ZNF507: variants seen among roughly 807,000 people sequenced by gnomAD.
ZNF507 encodes zinc finger protein 507.
In ZNF507, 29 loss-of-function variants were observed where a neutral mutation model predicts 80.0. That is an observed-to-expected ratio of 0.36 (90% CI 0.27 to 0.49). ZNF507 has a LOEUF of 0.49. Among genes scored for constraint, ZNF507 ranks in the 20% least tolerant of loss-of-function variants. ZNF507 has a pLI of 0.98. For missense variants in ZNF507, 1,081 were observed against 1,152.2 expected (o/e 0.94, Z 0.90); for synonymous variants, 462 against 422.5 (o/e 1.09, Z -1.15).
intron 5 of ZNF507, among the ~76,000 whole-genome samples, chr19:32,375,897 C>T (rs1277099576): frequency 2.6e-5 from 4 of 152,100 alleles, no homozygotes; most frequent in African/African-American, 4.8e-5. Flanking sequence ...GTCTGTATTC[C>T]TAGAATAAGC....
At chr19:32,379,179 G>A (rs1177213073) in intron 5 of ZNF507, among the ~76,000 whole-genome samples, 2 of 152,162 alleles carry the variant, frequency 1.3e-5, no homozygotes, top group Admixed American at 1.3e-4. Context: ...TAATGGCTTG[G>A]GGGTGGAGAA....
At chr19:32,374,638 C>T (rs765534863) in intron 5 of ZNF507, among the ~76,000 whole-genome samples, 74 of 152,108 alleles carry the variant, frequency 4.9e-4, no homozygotes, top group South Asian at 1.2e-3. Context: ...CCCGCCACCA[C>T]ACATGGCTAA....
chr19:32,353,343 A>G lies in ZNF507; in HGVS notation c.513A>G (p.Glu171=), dbSNP rs376965014. Residue 171 remains glutamate, a synonymous_variant, in exon 3 of 7, where the codon GAA becomes GAG. Transcript: ENST00000355898. ...CATCTAGAAGCCAGGAGGAACTTGA[A>G]GCCCACGTGGTGAATGACCATGACA... ...HITSRSQEEL[E]AHVVNDHDND... is the part of the protein sequence containing the mutation. 4 of 1,614,144 alleles carry G rather than the reference A, an allele frequency of 2.5e-6. No homozygotes were observed. The highest frequency in any genetic ancestry group is 2.2e-5 in the South Asian group (2 of 91,094).
intron 4 of ZNF507, 178 bp downstream of exon 4, chr19:32,356,911 A>G: frequency 1.7e-6 from 1 of 597,694 alleles, no homozygotes; most frequent in Non-Finnish European, 3.0e-6. Flanking sequence ...TGAATGAAGC[A>G]GATGATTACT....
intron 5 of ZNF507, among the ~76,000 whole-genome samples, chr19:32,364,687 A>G (rs954457846): frequency 1.3e-5 from 2 of 152,224 alleles, no homozygotes; most frequent in African/African-American, 4.8e-5. Context: ...ATGGCTGAGT[A>G]GTATTCAATC....
rs147497044 is a variant in ZNF507, at chr19:32,365,023, G to A, written c.2360+4405G>A. ...TGGCCATTCTTACAGGAGTAAGGTG[G>A]TATCACACTGTGGTTTTGATTTGCA... On this transcript the variant is annotated intron_variant, in intron 5 of 6. Transcript: ENST00000355898. 7.2e-5 allele frequency among the ~76,000 whole-genome samples: 11 copies of A among 152,314 alleles called. No individual in the cohort carries two copies. In the South Asian group the frequency reaches 1.2e-3, roughly 17 times the overall value.
At chr19:32,375,506 A>G (rs1967534637) in intron 5 of ZNF507, among the ~76,000 whole-genome samples, 1 of 152,232 alleles carries the variant, frequency 6.6e-6, no homozygotes, top group Non-Finnish European at 1.5e-5. Context: ...AGATACATGC[A>G]TGAGGGGTGA....
At chr19:32,362,054 G>T (rs1967336314) in intron 5 of ZNF507, among the ~76,000 whole-genome samples, 2 of 152,098 alleles carry the variant, frequency 1.3e-5, no homozygotes, top group Non-Finnish European at 2.9e-5. Flanking sequence ...AAGTAGCTGG[G>T]ACCACAGGCA....
Position 32,360,597 on chromosome 19 carries a change from A to G in ZNF507, c.2339A>G (p.His780Arg). ...YVGVRNHRRI[H>R]NSDKPYRCSL... ...GGTGTCAGAAACCACAGGCGAATCCATAACTCTGATAAGCCGTACAGGTAA... is the reference window on the plus strand; with the variant it reads ...GGTGTCAGAAACCACAGGCGAATCCGTAACTCTGATAAGCCGTACAGGTAA... Residue 780 changes from histidine (H) to arginine (R), a missense_variant, in exon 5 of 7, where the codon CAT (histidine) becomes CGT (arginine). His to Arg is a conservative substitution (Grantham distance 29). Coordinates refer to ENST00000355898, the MANE Select transcript of ZNF507 (RefSeq NM_001136156.2). 3 of 1,598,048 alleles carry G rather than the reference A, an allele frequency of 1.9e-6. No homozygotes were observed. Among genetic ancestry groups the G allele is most frequent in the Non-Finnish European group, 2.6e-6 (3 of 1,171,420 alleles).
At position 32,353,884 on chromosome 19, in the gene ZNF507, G is replaced by C. The variant is rs1482718843; in HGVS notation, c.1054G>C (p.Val352Leu). 2.5e-6 allele frequency: 4 copies of C among 1,614,190 alleles called. No individual in the cohort carries two copies. Among genetic ancestry groups the C allele is most frequent in the Non-Finnish European group, 3.4e-6 (4 of 1,180,046 alleles). ...AERGVHLSQS[V>L]TLDPNEEEML... ...AAGAGGAGTACACCTAAGTCAGTCA[G>C]TTACCCTGGACCCCAATGAGGAAGA... The change falls in exon 3 of 7, where the codon GTT becomes CTT. Residue 352 changes from valine to leucine, a missense_variant. By Grantham distance (32) the Val-to-Leu change is conservative. Around this residue, in one of 6 missense-constraint regions of ZNF507, gnomAD observed 614 missense variants for 583.9 expected, o/e 1.05. Transcript: ENST00000355898.
chr19:32,352,584 G>A (rs755654995), intron 2 of ZNF507, among the ~76,000 whole-genome samples: 25 of 151,776 alleles, frequency 1.6e-4, no homozygotes, highest in South Asian at 6.3e-4. Context: ...CATCATTTCC[G>A]AAGAAATAAG....
In ZNF507 at chr19:32,382,453, TG is replaced by T; in HGVS notation, c.2361-13del. On this transcript the variant is annotated splice_polypyrimidine_tract_variant and intron_variant, in intron 5 of 6. Transcript: ENST00000355898. Reference sequence around the variant, plus strand: ...GGGACCGTTCTGATTTTCCCTTGCCTGCCTGTCTTCCAGATGCTCTCTGTGT... The same window carrying T: ...GGGACCGTTCTGATTTTCCCTTGCCTCCTGTCTTCCAGATGCTCTCTGTGT... The T allele has an allele frequency of 6.2e-7, 1 of 1,611,870 alleles. No homozygotes were observed. Among genetic ancestry groups the T allele is most frequent in the South Asian group, 1.1e-5 (1 of 90,688 alleles).
At chr19:32,351,876 T>G (rs1479456624) in intron 2 of ZNF507, among the ~76,000 whole-genome samples, 2 of 152,296 alleles carry the variant, frequency 1.3e-5, no homozygotes, top group East Asian at 3.9e-4. Flanking sequence ...ATGAAAGTAC[T>G]GCCAGGAAAT....
At chr19:32,373,245 A>G (rs898865021) in intron 5 of ZNF507, among the ~76,000 whole-genome samples, 7 of 151,208 alleles carry the variant, frequency 4.6e-5, no homozygotes, top group African/African-American at 1.7e-4. Context: ...AGATCATACC[A>G]CTCACATTCA....
Position 32,381,837 on chromosome 19 carries a change from A to G in ZNF507, c.2361-630A>G, listed in dbSNP as rs148462589. ...TGACCAGTTTTTTCTGTAAACCTAA[A>G]GGCATCTAAAAAATAAAGTCTATTA... On this transcript the variant is annotated intron_variant, in intron 5 of 6. Coordinates refer to ENST00000355898, the MANE Select transcript of ZNF507 (RefSeq NM_001136156.2). 5.3e-4 allele frequency among the ~76,000 whole-genome samples: 81 copies of G among 152,298 alleles called. No homozygotes were observed. The East Asian group carries it at 0.015, about 28-fold the overall frequency.
At chr19:32,377,343 G>T (rs571485774) in intron 5 of ZNF507, among the ~76,000 whole-genome samples, 1 of 152,228 alleles carries the variant, frequency 6.6e-6, no homozygotes, top group African/African-American at 2.4e-5. Flanking sequence ...CAGAAGGCTC[G>T]CACTCTTGTC....
In ZNF507 at chr19:32,384,074, A is replaced by G. The variant is rs1315162730; in HGVS notation, c.*991A>G. On this transcript the variant is annotated 3_prime_UTR_variant, in exon 7 of 7. Transcript: ENST00000355898. Reference sequence around the variant, plus strand: ...AATTTAAAAGCTCCTGAAAATGAGTACTGCTGTGTTGAGCTTTTCTTTCCT... The same window carrying G: ...AATTTAAAAGCTCCTGAAAATGAGTGCTGCTGTGTTGAGCTTTTCTTTCCT... 6.6e-6 allele frequency: 1 copy of G among 152,236 alleles called. No homozygotes were observed. The highest frequency in any genetic ancestry group is 1.5e-5 in the Non-Finnish European group (1 of 68,050). The allele number at this position is 152,236 out of a possible 1,614,324, so 9.4% of individuals were successfully genotyped here. A position where few individuals can be genotyped will look rare whatever the true frequency, so the allele number is the denominator to read the frequency against.
chr19:32,363,483 G>A (rs1953935140), intron 5 of ZNF507, among the ~76,000 whole-genome samples: 1 of 152,138 alleles, frequency 6.6e-6, no homozygotes. Flanking sequence ...GGGCAGTACG[G>A]CTTCATGGAT....
In ZNF507 at chr19:32,383,209, G is replaced by C; in HGVS notation, c.*126G>C. ...TGATGTGATTTTTGAGGAAATGACA[G>C]ATGTGACTTTGGAACCAAACTTGTA... On this transcript the variant is annotated 3_prime_UTR_variant, in exon 7 of 7. Transcript: ENST00000355898. The C allele has an allele frequency of 7.7e-7, 1 of 1,306,010 alleles. No individual in the cohort carries two copies. The highest frequency in any genetic ancestry group is 2.5e-5 in the East Asian group (1 of 40,368). 80.9% of individuals were successfully genotyped at this position (1,306,010 alleles called of 1,614,324 possible).
Sources: gnomAD v4.1 joint callset for allele counts (sites outside exome capture counted in the v4.1 genomes callset) on GRCh38, gnomAD v4.1.1 for gene constraint, gnomAD v4.1.1 regional missense constraint, MANE v1.5 for transcripts, NCBI Gene and HGNC (gene_info 2026-07-23, HGNC 2026-07-21) for gene names.